FGF13: variants seen among roughly 807,000 people sequenced by gnomAD.
FGF13 encodes the protein fibroblast growth factor 13, also known as fibroblast growth factor homologous factor 2.
Under a neutral mutation model 19.5 loss-of-function variants are expected in FGF13, and 2 were observed. The observed-to-expected ratio is 0.10, with a 90% CI of 0.04 to 0.32. The LOEUF is 0.32. Ranked by LOEUF, FGF13 falls within the 10% of genes least tolerant of loss-of-function variation. The pLI is 1.00. For synonymous variants in FGF13, 72 were observed against 76.9 expected, an observed-to-expected ratio of 0.94 and a Z score of 0.33; for missense variants, 113 against 192.7, an observed-to-expected ratio of 0.59 and a Z score of 2.45.
intron 1 of FGF13, among the ~76,000 whole-genome samples, chrX:139,074,998 G>T (rs1022369435): frequency 9.0e-6 from 1 of 111,571 alleles, no homozygotes; most frequent in South Asian, 3.8e-4. Context: ...GTTCGCTGAT[G>T]CCCCAGACTA....
chrX:138,913,638 GAGGAAGGAAGGAAGGA>G (rs747877973), intron 1 of FGF13, among the ~76,000 whole-genome samples: 3,949 of 61,730 alleles, frequency 0.064, 162 homozygotes, highest in Middle Eastern at 0.11. Context: ...AGGAGGGATG[GAGGAAGGAAGGAAGGA>G]AGGAAGGAAG....
At chrX:139,166,407 C>T (rs1268536085) in intron 1 of FGF13, among the ~76,000 whole-genome samples, 1 of 111,999 alleles carries the variant, frequency 8.9e-6, no homozygotes, top group African/African-American at 3.3e-5. Context: ...CCCAGCCATA[C>T]TGAGCTGTGA....
chrX:139,204,850 T>G (rs2084453766), upstream of FGF13: 1 of 110,868 alleles, frequency 9.0e-6, no homozygotes, highest in African/African-American at 3.3e-5. Context: ...CATTTCCAGG[T>G]TCCTATTATT....
chrX:138,846,185 T>TTTTGTGTG (rs772780333), intron 3 of FGF13, among the ~76,000 whole-genome samples: 1 of 96,626 alleles, frequency 1.0e-5, no homozygotes, highest in Non-Finnish European at 2.1e-5. Flanking sequence ...ATGTGTCCAT[T>TTTTGTGTG]TGTGTGTGTG....
At chrX:138,739,330 GA>G in exon 1 of FGF13, 4 of 1,163,031 alleles carry the variant, frequency 3.4e-6, no homozygotes, top group Non-Finnish European at 4.6e-6. Flanking sequence ...CAGACACAGA[GA>G]GAGAGGAGAT....
rs537784866 is a variant in FGF13 at position 138,879,819 on chromosome X, A to T, written c.-112-15169T>A. Among the ~76,000 whole-genome samples the T allele has an allele frequency of 1.8e-3, 201 of 111,955 alleles. 1 individual carries two copies. The South Asian group carries it at 0.024, about 13-fold the overall frequency. Reference sequence around the variant, plus strand: ...CCAAAAGCAATGGCAGCAAAGCCCAAATTGACAAATGGGATCTAATTAAAC... The same window carrying T: ...CCAAAAGCAATGGCAGCAAAGCCCATATTGACAAATGGGATCTAATTAAAC... On this transcript the variant is annotated intron_variant, in intron 1 of 2. Transcript: ENST00000421460.
intron 1 of FGF13, among the ~76,000 whole-genome samples, chrX:138,733,152 A>C (rs2090245681): frequency 8.9e-6 from 1 of 111,914 alleles, no homozygotes; most frequent in African/African-American, 3.2e-5. Context: ...TCATATGTCT[A>C]TAAAATCAGA....
At chrX:138,901,723 C>A (rs1217877541) in intron 1 of FGF13, among the ~76,000 whole-genome samples, 1 of 111,349 alleles carries the variant, frequency 9.0e-6, no homozygotes. Flanking sequence ...ATCCAGCTAA[C>A]CCATCATTAA....
chrX:138,829,719 T>G (rs1386720047), intron 3 of FGF13, among the ~76,000 whole-genome samples: 1 of 111,064 alleles, frequency 9.0e-6, no homozygotes, highest in Non-Finnish European at 1.9e-5. Flanking sequence ...AATAAGCTTC[T>G]ATTCTATTTT....
At chrX:138,772,713 C>A (rs2090557001) in intron 3 of FGF13, among the ~76,000 whole-genome samples, 1 of 111,414 alleles carries the variant, frequency 9.0e-6, no homozygotes, top group African/African-American at 3.3e-5. Flanking sequence ...TAAGATGATT[C>A]ACCATGGTTT....
intron 1 of FGF13, among the ~76,000 whole-genome samples, chrX:138,867,288 A>ACACACCTGTAGTCATGGCTACTC (rs1221035455): frequency 1.8e-5 from 2 of 111,083 alleles, no homozygotes; most frequent in African/African-American, 3.3e-5. Context: ...ACATAGTGAC[A>ACACACCTGTAGTCATGGCTACTC]CACACCTGTA....
intron 1 of FGF13, among the ~76,000 whole-genome samples, chrX:139,012,905 C>G (rs1009480548): frequency 2.4e-4 from 27 of 112,032 alleles, no homozygotes; most frequent in Non-Finnish European, 4.9e-4. Flanking sequence ...GCAGAGTTAA[C>G]AGACAACCCA....
rs190007439 is a variant in FGF13, at chrX:138,786,998, G to T, written c.217+70514C>A. Among the ~76,000 whole-genome samples, 6 of 112,338 alleles carry T rather than the reference G, an allele frequency of 5.3e-5. No homozygotes were observed. The East Asian group carries it at 1.4e-3, about 26-fold the overall frequency. On this transcript the variant is annotated intron_variant, in intron 3 of 6. Transcript: ENST00000436198. ...GAAGCAACGCTTTAATCTTTCCCTT[G>T]TGAAACAGAGAAATCTTAAGCTCCT... is the stretch of plus-strand genomic sequence containing the variant.
chrX:139,066,935 G>A (rs765698648), intron 1 of FGF13, among the ~76,000 whole-genome samples: 15 of 111,229 alleles, frequency 1.3e-4, no homozygotes, highest in Non-Finnish European at 5.7e-5. Flanking sequence ...TATCCATCAC[G>A]ATCAAGTCGG....
rs181164314 is a variant in FGF13 at position 139,059,673 on chromosome X, C to A, written c.-113+143743G>T. The stretch of plus-strand genomic sequence containing the variant: ...TATGGAACATAATGTTTTCTAAATT[C>A]TTTTGCACACTCAACACTATTTTCC... On this transcript the variant is annotated intron_variant, in intron 1 of 2. Transcript: ENST00000421460. Among the ~76,000 whole-genome samples the A allele has an allele frequency of 2.1e-4, 23 of 112,102 alleles. No individual in the cohort carries two copies. The Admixed American group carries it at 2.2e-3, about 11-fold the overall frequency.
intron 3 of FGF13, among the ~76,000 whole-genome samples, chrX:138,801,202 C>G (rs1483458472): frequency 8.9e-6 from 1 of 112,383 alleles, no homozygotes; most frequent in East Asian, 2.8e-4. Context: ...GCTGGTTTTT[C>G]CTCATCTTTG....
At chrX:138,666,086 C>T (rs1200415162) in intron 3 of FGF13, among the ~76,000 whole-genome samples, 4 of 111,036 alleles carry the variant, frequency 3.6e-5, no homozygotes, top group African/African-American at 1.3e-4. Context: ...CTGGCATTTA[C>T]ATTGTATTTC....
rs186589949 is a variant in FGF13, at chrX:138,911,519, C to T, written c.-112-46869G>A. On this transcript the variant is annotated intron_variant, in intron 1 of 2. Transcript: ENST00000421460. Reference sequence around the variant, plus strand: ...GGAAAAATAATTAATGGATACTAGGCTTAATACCTGAGTGATGAAATAATA... The same window carrying T: ...GGAAAAATAATTAATGGATACTAGGTTTAATACCTGAGTGATGAAATAATA... Among the ~76,000 whole-genome samples the T allele has an allele frequency of 1.4e-3, 150 of 110,736 alleles. 3 individuals carry two copies. In the Middle Eastern group the frequency reaches 0.023, roughly 17 times the overall value.
chrX:139,176,545 T>TG (rs2084187181), intron 1 of FGF13, among the ~76,000 whole-genome samples: 1 of 111,256 alleles, frequency 9.0e-6, no homozygotes, highest in Admixed American at 9.6e-5. Context: ...GTTTCTCCTG[T>TG]GGGCATTTAT....
Sources: allele counts gnomAD v4.1 joint callset (sites outside exome capture counted in the v4.1 genomes callset), GRCh38; gene constraint gnomAD v4.1.1; transcripts MANE v1.5; gene names NCBI Gene and HGNC (gene_info 2026-07-23, HGNC 2026-07-21).